The following USP34 variants were observed in gnomAD, a reference collection of about 807,000 sequenced individuals.
USP34 encodes ubiquitin carboxyl-terminal hydrolase 34.
In USP34, 70 loss-of-function variants were observed where a neutral mutation model predicts 460.3. That is an observed-to-expected ratio of 0.15 (90% CI 0.13 to 0.19). The LOEUF is 0.19. Among genes scored for constraint, USP34 ranks in the 10% least tolerant of loss-of-function variants. The pLI, the probability that USP34 is intolerant of heterozygous loss-of-function variation, is 1.00. For missense variants in USP34, 3,985 were observed against 4,236.2 expected, an observed-to-expected ratio of 0.94 and a Z score of 1.65; for synonymous variants, 1,647 against 1,405.3, an observed-to-expected ratio of 1.17 and a Z score of -3.85.
chr2:61,193,293 A>G (rs1686693260), intron 75 of USP34: 1 of 168,792 alleles, frequency 5.9e-6, no homozygotes, highest in Admixed American at 6.4e-5. Context: ...TCTTTCTTGG[A>G]TTAAGGTACC....
chr2:61,349,596 T>A (rs965669775), intron 12 of USP34, among the ~76,000 whole-genome samples: 3 of 152,074 alleles, frequency 2.0e-5, no homozygotes, highest in African/African-American at 7.2e-5. Context: ...ACCCCAGCAT[T>A]TTAGGAGGCC....
chr2:61,367,885 C>T (rs1223798893), intron 10 of USP34, among the ~76,000 whole-genome samples: 1 of 151,834 alleles, frequency 6.6e-6, no homozygotes, highest in Non-Finnish European at 1.5e-5. Flanking sequence ...TACCCCAATG[C>T]TAAAATTCGT....
intron 1 of USP34, among the ~76,000 whole-genome samples, chr2:61,435,846 T>C (rs1056971738): frequency 1.2e-4 from 18 of 151,912 alleles, no homozygotes; most frequent in Admixed American, 1.3e-4. Context: ...CTGGCCAATA[T>C]AGTAAAACCT....
chr2:61,254,570 C>T (rs1476815094), intron 48 of USP34, among the ~76,000 whole-genome samples: 1 of 152,330 alleles, frequency 6.6e-6, no homozygotes, highest in East Asian at 1.9e-4. Context: ...GCATAAGATG[C>T]TCTTTTCAAT....
At chr2:61,222,962 G>A in intron 64 of USP34, 98 bp downstream of exon 64, 1 of 1,098,260 alleles carries the variant, frequency 9.1e-7, no homozygotes, top group Non-Finnish European at 1.3e-6. Flanking sequence ...CTCCCAAAGT[G>A]CTGGGATTAC....
intron 67 of USP34, among the ~76,000 whole-genome samples, chr2:61,217,624 C>T (rs540041064): frequency 1.3e-5 from 2 of 152,316 alleles, no homozygotes; most frequent in South Asian, 4.1e-4. Flanking sequence ...CATCCATATA[C>T]TTACACTAGA....
chr2:61,339,540 T>G, intron 17 of USP34, 26 bp downstream of exon 17: 1 of 1,564,564 alleles, frequency 6.4e-7, no homozygotes, highest in East Asian at 2.3e-5. Context: ...AATTTCTTAC[T>G]CTTCTGGTTC....
intron 62 of USP34, among the ~76,000 whole-genome samples, chr2:61,224,772 T>C (rs1286507599): frequency 6.6e-6 from 1 of 152,208 alleles, no homozygotes; most frequent in Admixed American, 6.5e-5. Flanking sequence ...ACATCTTTGA[T>C]GTGATTCACA....
Position 61,406,085 on chromosome 2 carries a change from A to T in USP34, c.175T>A (p.Phe59Ile). The part of the protein sequence containing the change: ...CFKEYKHLEI[F>I]NQVVCALINL... ...ATAAGTGCACACACTACTTGATTAA[A>T]AATCTCCAAATGCTTATATTCCTTG... Residue 59 changes from phenylalanine (F) to isoleucine (I), a missense_variant, in exon 3 of 80, where the codon TTT (phenylalanine) becomes ATT (isoleucine). This residue lies in a region of USP34 where 331 missense variants were observed against 293.7 expected (regional missense o/e 1.13). Coordinates refer to ENST00000398571, the MANE Select transcript of USP34 (RefSeq NM_014709.4). 1 of 1,612,892 alleles carries T rather than the reference A, an allele frequency of 6.2e-7. No individual in the cohort carries two copies. Among genetic ancestry groups the T allele is most frequent in the South Asian group, 1.1e-5 (1 of 90,620 alleles).
intron 20 of USP34, among the ~76,000 whole-genome samples, chr2:61,330,263 T>C (rs924773965): frequency 2.0e-5 from 3 of 152,218 alleles, no homozygotes; most frequent in Non-Finnish European, 4.4e-5. Context: ...TATCTTAAAA[T>C]AGTTGATATC....
intron 10 of USP34, among the ~76,000 whole-genome samples, chr2:61,351,264 C>T (rs2103786340): frequency 6.6e-6 from 1 of 152,162 alleles, no homozygotes; most frequent in South Asian, 2.1e-4. Context: ...ACAGGTGTGC[C>T]AGATTTGTTA....
At chr2:61,283,518 A>T (rs1689596720) in intron 35 of USP34, 69 bp from the exon 36 acceptor site, 1 of 1,519,022 alleles carries the variant, frequency 6.6e-7, no homozygotes, top group Admixed American at 2.0e-5. Context: ...CAATTTATTA[A>T]CATATATCCT....
intron 1 of USP34, among the ~76,000 whole-genome samples, chr2:61,443,194 T>C (rs1442355287): frequency 2.0e-5 from 3 of 152,162 alleles, no homozygotes; most frequent in East Asian, 3.9e-4. Context: ...TACAGCTAGA[T>C]AGGAGGAATA....
chr2:61,411,109 T>C (rs1365451605), intron 2 of USP34, among the ~76,000 whole-genome samples: 1 of 151,586 alleles, frequency 6.6e-6, no homozygotes, highest in Non-Finnish European at 1.5e-5. Context: ...ATCAAGAAAA[T>C]GAAAGCAACT....
chr2:61,403,153 A>G (rs1693770534), intron 3 of USP34, among the ~76,000 whole-genome samples: 1 of 152,032 alleles, frequency 6.6e-6, no homozygotes, highest in Admixed American at 6.5e-5. Context: ...CGAAGACCTC[A>G]AAAAACCACT....
intron 1 of USP34, among the ~76,000 whole-genome samples, chr2:61,460,941 C>T (rs1199035029): frequency 6.8e-6 from 1 of 147,394 alleles, no homozygotes; most frequent in Non-Finnish European, 1.5e-5. Flanking sequence ...AAGATCGCGC[C>T]ACTGCACTCC....
chr2:61,353,392 ATGTTTTTTTTT>A (rs1692008471), intron 10 of USP34, among the ~76,000 whole-genome samples: 1 of 143,872 alleles, frequency 7.0e-6, no homozygotes, highest in African/African-American at 2.6e-5. Context: ...TCCTAGACGA[ATGTTTTTTTTT>A]TTTTTTTTGA....
At chr2:61,410,744 A>G (rs911488137) in intron 2 of USP34, among the ~76,000 whole-genome samples, 3 of 152,214 alleles carry the variant, frequency 2.0e-5, no homozygotes, top group Admixed American at 6.5e-5. Flanking sequence ...GAAACAGAAG[A>G]TGACAGCTAT....
intron 41 of USP34, among the ~76,000 whole-genome samples, chr2:61,274,947 A>G (rs1365600285): frequency 6.6e-6 from 1 of 152,218 alleles, no homozygotes; most frequent in Non-Finnish European, 1.5e-5. Flanking sequence ...AATGTTGATC[A>G]TTATGAAGCT....
Sources: gnomAD v4.1 joint callset for allele counts (sites outside exome capture counted in the v4.1 genomes callset) on GRCh38, gnomAD v4.1.1 for gene constraint, gnomAD v4.1.1 regional missense constraint, MANE v1.5 for transcripts, NCBI Gene and HGNC (gene_info 2026-07-23, HGNC 2026-07-21) for gene names.